The following VIT variants were observed in gnomAD, a reference collection of about 807,000 sequenced individuals.
VIT encodes vitrin.
VIT carries 99 observed loss-of-function variants against 78.0 expected under a neutral mutation model. The ratio of observed to expected loss-of-function variants is 1.27; its 90% confidence interval spans 1.08 to 1.50. VIT has a LOEUF of 1.50. Among genes scored for constraint, VIT ranks in the 40% most tolerant of loss-of-function variants. VIT has a pLI of 0.00. For missense variants in VIT, 1,126 were observed against 875.3 expected, an observed-to-expected ratio of 1.29 and a Z score of -3.61; for synonymous variants, 374 against 334.3, an observed-to-expected ratio of 1.12 and a Z score of -1.29.
intron 1 of VIT, among the ~76,000 whole-genome samples, chr2:36,708,919 G>A (rs1665622488): frequency 6.6e-6 from 1 of 152,196 alleles, no homozygotes; most frequent in Non-Finnish European, 1.5e-5. Flanking sequence ...GGAGGCCAAG[G>A]CGGGCAGATC....
At chr2:36,708,876 A>G (rs1233540383) in intron 1 of VIT, among the ~76,000 whole-genome samples, 2 of 152,206 alleles carry the variant, frequency 1.3e-5, no homozygotes, top group East Asian at 3.8e-4. Context: ...TGGGCCAGGC[A>G]CAATGACTCA....
intron 1 of VIT, among the ~76,000 whole-genome samples, chr2:36,710,488 A>G (rs1665734700): frequency 1.3e-5 from 2 of 152,184 alleles, no homozygotes; most frequent in African/African-American, 4.8e-5. Context: ...GAACATATCC[A>G]TCTCCAAATT....
At chr2:36,788,646 A>G (rs1665270121) in intron 12 of VIT, among the ~76,000 whole-genome samples, 1 of 152,094 alleles carries the variant, frequency 6.6e-6, no homozygotes, top group Non-Finnish European at 1.5e-5. Context: ...ACCCTTTTTC[A>G]TTCCTGTGTT....
intron 9 of VIT, among the ~76,000 whole-genome samples, chr2:36,780,318 G>A (rs1293895641): frequency 2.0e-5 from 3 of 152,152 alleles, no homozygotes; most frequent in African/African-American, 4.8e-5. Context: ...AGAGTGCATC[G>A]GAAGAAGGAA....
In VIT at chr2:36,808,501, G is replaced by T; in HGVS notation, c.1419G>T (p.Ser473=). 1 of 1,611,150 alleles carries T rather than the reference G, an allele frequency of 6.2e-7. No individual in the cohort carries two copies. Among genetic ancestry groups the T allele is most frequent in the South Asian group, 1.1e-5 (1 of 91,020 alleles). Residue 473 remains serine, a synonymous_variant, in exon 15 of 16, where the codon TCG becomes TCT. Coordinates refer to ENST00000379242, the MANE Select transcript of VIT (RefSeq NM_053276.4). ...TGTGCAGAACAAACGGCTTCTACTCGCTCCACGTGCAGAGCTGGTTTGGCC... is the reference window on the plus strand; with the variant it reads ...TGTGCAGAACAAACGGCTTCTACTCTCTCCACGTGCAGAGCTGGTTTGGCC... ...KAVCRTNGFY[S]LHVQSWFGLH...
At chr2:36,783,281 G>A (rs1297044780) in intron 10 of VIT, 59 bp from the exon 11 acceptor site, 4 of 1,584,268 alleles carry the variant, frequency 2.5e-6, no homozygotes, top group Non-Finnish European at 3.5e-6. Context: ...CCTCCCATGG[G>A]GTAAGGCCAG....
At chr2:36,722,697 T>G (rs1427521845) in intron 2 of VIT, among the ~76,000 whole-genome samples, 2 of 152,176 alleles carry the variant, frequency 1.3e-5, no homozygotes, top group African/African-American at 4.8e-5. Flanking sequence ...TTATAAAAGT[T>G]CTAGGTACAC....
In VIT at chr2:36,732,622, T is replaced by G. The variant is rs556328886; in HGVS notation, c.118+3131T>G. ...GCACATTATTCACTCATTTGATAAGTATTTATTGTGTGCTGGCCAAGTACC... is the reference window on the plus strand; with the variant it reads ...GCACATTATTCACTCATTTGATAAGGATTTATTGTGTGCTGGCCAAGTACC... On this transcript the variant is annotated intron_variant, in intron 3 of 15. Coordinates refer to ENST00000379242, the MANE Select transcript of VIT (RefSeq NM_053276.4). Among the ~76,000 whole-genome samples, 3 of 152,214 alleles carry G rather than the reference T, an allele frequency of 2.0e-5. No homozygotes were observed. The East Asian group carries it at 5.8e-4, about 29-fold the overall frequency.
intron 9 of VIT, among the ~76,000 whole-genome samples, chr2:36,781,059 T>G (rs1427834435): frequency 6.6e-6 from 1 of 152,166 alleles, no homozygotes; most frequent in South Asian, 2.1e-4. Context: ...AACATCTTAC[T>G]GCATACAGGT....
At chr2:36,722,988 A>AT (rs1666607959) in intron 2 of VIT, among the ~76,000 whole-genome samples, 6 of 150,776 alleles carry the variant, frequency 4.0e-5, no homozygotes, top group Admixed American at 2.0e-4. Context: ...ATGTCTATAT[A>AT]AAATATATAT....
intron 14 of VIT, among the ~76,000 whole-genome samples, chr2:36,807,123 A>C (rs745326662): frequency 6.6e-6 from 1 of 152,020 alleles, no homozygotes; most frequent in Non-Finnish European, 1.5e-5. Context: ...CCCCCTCCCC[A>C]GTTCAAGCTG....
chr2:36,802,787 T>G (rs1379057256), intron 13 of VIT, among the ~76,000 whole-genome samples: 3 of 152,332 alleles, frequency 2.0e-5, no homozygotes, highest in Middle Eastern at 3.4e-3. Context: ...GCCTCTGTAT[T>G]GTCCAGAGTT....
At chr2:36,746,435 G>A (rs571793997) in intron 4 of VIT, among the ~76,000 whole-genome samples, 2 of 152,048 alleles carry the variant, frequency 1.3e-5, no homozygotes, top group South Asian at 4.2e-4. Context: ...TCTGGTCCAG[G>A]GCTTTTTTTT....
At chr2:36,790,770 G>A (rs73927068) in intron 12 of VIT, among the ~76,000 whole-genome samples, 3,567 of 152,316 alleles carry the variant, frequency 0.023, 149 homozygotes, top group African/African-American at 0.08. Flanking sequence ...TTCACCTCCT[G>A]AAGACTGAGA....
intron 11 of VIT, among the ~76,000 whole-genome samples, chr2:36,785,744 C>A (rs1019769373): frequency 2.0e-5 from 3 of 152,162 alleles, no homozygotes; most frequent in Non-Finnish European, 4.4e-5. Flanking sequence ...TCAGCCAGTG[C>A]CAGACGGGTC....
intron 11 of VIT, among the ~76,000 whole-genome samples, chr2:36,786,330 T>C (rs986077021): frequency 6.6e-6 from 1 of 152,236 alleles, no homozygotes; most frequent in Non-Finnish European, 1.5e-5. Context: ...ACTGAGATGA[T>C]ATCATTCCTG....
At chr2:36,739,115 A>C (rs2148507548) in intron 3 of VIT, among the ~76,000 whole-genome samples, 1 of 152,290 alleles carries the variant, frequency 6.6e-6, no homozygotes, top group East Asian at 1.9e-4. Context: ...AACAAAATTA[A>C]GTTTAATATT....
At chr2:36,707,951 C>G (rs1022887037) in intron 1 of VIT, among the ~76,000 whole-genome samples, 1 of 151,970 alleles carries the variant, frequency 6.6e-6, no homozygotes, top group Admixed American at 6.6e-5. Flanking sequence ...GGCACTCTCT[C>G]TCTCTTTCAC....
chr2:36,814,354 G>A lies in VIT; in HGVS notation c.2075G>A (p.Arg692Gln), dbSNP rs747347674. The change falls in exon 16 of 16, where the codon CGG (arginine) becomes CAG (glutamine). Residue 692 changes from arginine (R) to glutamine (Q), a missense_variant. Transcript: ENST00000379242. ...TGTACAGAGTTCAACTCACAGCCTC[G>A]GAACTGAATTCAGAGCAGGCAGAGC... ...NICTEFNSQPRN is the reference protein window; with the variant it reads ...NICTEFNSQPQN The A allele has an allele frequency of 1.1e-5, 18 of 1,613,922 alleles. No individual in the cohort carries two copies. Among genetic ancestry groups the A allele is most frequent in the South Asian group, 1.1e-4 (10 of 91,070 alleles).
Sources: allele counts gnomAD v4.1 joint callset (sites outside exome capture counted in the v4.1 genomes callset), GRCh38; gene constraint gnomAD v4.1.1; transcripts MANE v1.5; gene names NCBI Gene and HGNC (gene_info 2026-07-23, HGNC 2026-07-21).